Variants in ATP2C2 observed in about 807,000 individuals in gnomAD.
ATP2C2 encodes ATPase secretory pathway Ca2+ transporting 2.
A neutral mutation model predicts 110.8 loss-of-function variants in ATP2C2; 171 were observed. The ratio of observed to expected loss-of-function variants is 1.54; its 90% CI spans 1.36 to 1.75. The LOEUF (loss-of-function observed/expected upper bound fraction) is 1.75. Among genes scored for constraint, ATP2C2 ranks in the 40% most tolerant of loss-of-function variants. The pLI is 0.00. For synonymous variants in ATP2C2, 804 were observed against 508.4 expected (o/e 1.58, Z -7.82); for missense variants, 1,963 against 1,235.0 (o/e 1.59, Z -8.84).
intron 16 of ATP2C2, among the ~76,000 whole-genome samples, 181 bp from the exon 17 acceptor site, chr16:84,448,352 G>A (rs1293897675): frequency 6.6e-6 from 1 of 152,182 alleles, no homozygotes; most frequent in African/African-American, 2.4e-5. Flanking sequence ...AACGTTCCAT[G>A]GATGGATTCT....
chr16:84,433,498 C>G (rs796682847), intron 11 of ATP2C2, among the ~76,000 whole-genome samples: 4 of 151,976 alleles, frequency 2.6e-5, no homozygotes, highest in African/African-American at 9.7e-5. Context: ...ACTAAAAATA[C>G]AAAAATTAGC....
At chr16:84,415,366 G>A (rs1597794847) in intron 6 of ATP2C2, 117 bp from the exon 7 acceptor site, 2 of 830,704 alleles carry the variant, frequency 2.4e-6, no homozygotes, top group Non-Finnish European at 4.1e-6. Context: ...AAAGGCACAG[G>A]GTTGGTGTAT....
intron 21 of ATP2C2, among the ~76,000 whole-genome samples, chr16:84,455,606 T>TC (rs1292324473): frequency 2.0e-5 from 3 of 152,126 alleles, no homozygotes; most frequent in Non-Finnish European, 4.4e-5. Flanking sequence ...CATAAGCTAA[T>TC]CGCAGTGGTT....
chr16:84,398,454 T>C (rs1394091498), intron 1 of ATP2C2, 45 bp from the exon 2 acceptor site: 2 of 1,284,404 alleles, frequency 1.6e-6, no homozygotes, highest in Non-Finnish European at 1.1e-6. Context: ...AATTAATCAG[T>C]ACAAAAGTTC....
At chr16:84,442,665 G>A (rs1909380356) in intron 15 of ATP2C2, 66 bp downstream of exon 15, 1 of 1,479,020 alleles carries the variant, frequency 6.8e-7, no homozygotes, top group African/African-American at 1.4e-5. Context: ...TTGGTAGAAA[G>A]CCAGCTCCTG....
intron 1 of ATP2C2, among the ~76,000 whole-genome samples, chr16:84,387,402 C>T (rs888833060): frequency 1.3e-5 from 2 of 152,100 alleles, no homozygotes; most frequent in Non-Finnish European, 2.9e-5. Flanking sequence ...ATCCCAGCCA[C>T]TCAGGAGGCT....
At position 84,464,022 on chromosome 16, in the gene ATP2C2, T is replaced by G. The variant is rs1911670584; in HGVS notation, c.*290T>G. The G allele has an allele frequency of 3.7e-6, 1 of 272,252 alleles. No homozygotes were observed. Among genetic ancestry groups the G allele is most frequent in the Admixed American group, 4.9e-5 (1 of 20,222 alleles). The allele number at this position is 272,252 out of a possible 1,614,324, so 16.9% of individuals were successfully genotyped here. A position where few individuals can be genotyped will look rare whatever the true frequency, so the allele number is the denominator to read the frequency against. On this transcript the variant is annotated 3_prime_UTR_variant, in exon 27 of 27. Transcript: ENST00000262429. ...TATTAACCATGTCTAACTACGTATC[T>G]GTGCCACAGCTTGCAGTGAGGCAGG... is the stretch of plus-strand genomic sequence containing the variant.
rs60737149 is a variant in ATP2C2, at chr16:84,378,292, G to C, written c.99+9578G>C. The stretch of plus-strand genomic sequence containing the variant: ...TGGTCTGAGTGGCCACTCTTAACCA[G>C]GAGCCATTGGTGTAGGGCAGACAGG... On this transcript the variant is annotated intron_variant, in intron 1 of 26. Transcript: ENST00000262429. Among the ~76,000 whole-genome samples the C allele has an allele frequency of 7.4e-3, 1,130 of 152,292 alleles. 9 individuals carry two copies. Among genetic ancestry groups the C allele is most frequent in the Middle Eastern group, 0.02 (6 of 294 alleles).
intron 1 of ATP2C2, among the ~76,000 whole-genome samples, chr16:84,384,565 C>G (rs72804663): frequency 0.078 from 11,940 of 152,234 alleles, 562 homozygotes; most frequent in Middle Eastern, 0.11. Flanking sequence ...ATTACTTTCT[C>G]CCTTGTAATG....
chr16:84,412,459 T>TG (rs1906440100), intron 6 of ATP2C2, among the ~76,000 whole-genome samples: 1 of 147,852 alleles, frequency 6.8e-6, no homozygotes, highest in African/African-American at 2.5e-5. Context: ...TGTCTGTGTC[T>TG]CCGTGTGTGT....
chr16:84,455,609 C>T (rs1460347907), intron 21 of ATP2C2, among the ~76,000 whole-genome samples: 1 of 151,998 alleles, frequency 6.6e-6, no homozygotes, highest in African/African-American at 2.4e-5. Flanking sequence ...AAGCTAATCG[C>T]AGTGGTTAGT....
chr16:84,463,931 C>A lies in ATP2C2; in HGVS notation c.*199C>A. 3.5e-6 allele frequency: 2 copies of A among 571,292 alleles called. No individual in the cohort carries two copies. The highest frequency in any genetic ancestry group is 4.4e-5 in the South Asian group (2 of 45,492). The allele number at this position is 571,292 out of a possible 1,614,324, so 35.4% of individuals were successfully genotyped here. A position where few individuals can be genotyped will look rare whatever the true frequency, so the allele number is the denominator to read the frequency against. On this transcript the variant is annotated 3_prime_UTR_variant, in exon 27 of 27. Coordinates refer to ENST00000262429, the MANE Select transcript of ATP2C2 (RefSeq NM_014861.4). ...CACATCCATCCAGCGTTCCCGCTGG[C>A]TGTGGGACAGACAGGGAGGGGCCTG...
intron 1 of ATP2C2, among the ~76,000 whole-genome samples, chr16:84,387,953 G>A (rs1023417431): frequency 9.3e-5 from 14 of 150,560 alleles, no homozygotes; most frequent in Non-Finnish European, 7.4e-5. Context: ...AGAAGCACCT[G>A]GGGGCTTGTG....
At chr16:84,370,048 CTT>C (rs1408789757) in intron 1 of ATP2C2, among the ~76,000 whole-genome samples, 1 of 152,184 alleles carries the variant, frequency 6.6e-6, no homozygotes, top group Non-Finnish European at 1.5e-5. Flanking sequence ...TCCTTTCCAT[CTT>C]TTGATTCTTG....
chr16:84,414,199 G>T (rs1906632416), intron 6 of ATP2C2, among the ~76,000 whole-genome samples: 1 of 152,174 alleles, frequency 6.6e-6, no homozygotes, highest in Non-Finnish European at 1.5e-5. Context: ...TCTCTGGCAG[G>T]TGCTCTTGGC....
intron 11 of ATP2C2, 118 bp from the exon 12 acceptor site, chr16:84,439,048 C>A: frequency 6.9e-7 from 1 of 1,450,304 alleles, no homozygotes; most frequent in South Asian, 1.3e-5. Flanking sequence ...GAGACTAGAA[C>A]CAGGACACTG....
chr16:84,438,029 C>T (rs150329337), intron 11 of ATP2C2, among the ~76,000 whole-genome samples: 3 of 152,252 alleles, frequency 2.0e-5, no homozygotes, highest in Non-Finnish European at 2.9e-5. Flanking sequence ...TTTCCAGGCT[C>T]ATCCACATGG....
rs1231155051 is a variant in ATP2C2, at chr16:84,440,971, A to G, written c.1311+13A>G. 6.3e-7 allele frequency: 1 copy of G among 1,595,510 alleles called. No homozygotes were observed. Among genetic ancestry groups the G allele is most frequent in the Non-Finnish European group, 8.6e-7 (1 of 1,166,194 alleles). ...AAAGTTAGTGGAGGTAGGTGTCAAA[A>G]GCGCCATGAGGGAAATAGGCATTTA... On this transcript the variant is annotated intron_variant, in intron 14 of 26. Coordinates refer to ENST00000262429, the MANE Select transcript of ATP2C2 (RefSeq NM_014861.4).
chr16:84,419,288 C>G (rs951654759), intron 7 of ATP2C2, among the ~76,000 whole-genome samples: 1 of 147,858 alleles, frequency 6.8e-6, no homozygotes, highest in Non-Finnish European at 1.5e-5. Context: ...GAAGCTGTTT[C>G]CTGGCCTTTC....
Sources: gnomAD v4.1 joint callset for allele counts (sites outside exome capture counted in the v4.1 genomes callset) on GRCh38, gnomAD v4.1.1 for gene constraint, MANE v1.5 for transcripts, NCBI Gene and HGNC (gene_info 2026-07-23, HGNC 2026-07-21) for gene names.